SSUH2: variants seen among roughly 807,000 people sequenced by gnomAD.
The protein encoded by SSUH2 is ssu-2 homolog, also known as protein SSUH2 homolog.
In SSUH2, 47 loss-of-function variants were observed where a neutral mutation model predicts 55.3. That is an observed-to-expected ratio of 0.85 (90% CI 0.67 to 1.08). SSUH2 has a LOEUF of 1.08. Among genes scored for constraint, SSUH2 ranks in the 50% least tolerant of loss-of-function variants. The pLI is 0.00. For missense variants in SSUH2, 535 were observed against 490.7 expected (o/e 1.09, Z -0.85); for synonymous variants, 212 against 191.5 (o/e 1.11, Z -0.89).
intron 1 of SSUH2, among the ~76,000 whole-genome samples, chr3:8,638,955 TG>T (rs1481091773): frequency 6.6e-6 from 1 of 152,052 alleles, no homozygotes; most frequent in Non-Finnish European, 1.5e-5. Flanking sequence ...GGGCAGGAAG[TG>T]GGGAAGAATG....
chr3:8,658,576 C>T (rs563553438), intron 7 of SSUH2, among the ~76,000 whole-genome samples: 3 of 152,186 alleles, frequency 2.0e-5, no homozygotes, highest in Non-Finnish European at 4.4e-5. Flanking sequence ...TTTGTTCGGC[C>T]GGGTGGTTTA....
rs548179044 is a variant in SSUH2, at chr3:8,678,082, C to T, written c.-900-729G>A. Among the ~76,000 whole-genome samples the T allele has an allele frequency of 4.6e-5, 7 of 152,174 alleles. No homozygotes were observed. The South Asian group carries it at 6.3e-4, about 14-fold the overall frequency. Reference sequence around the variant, plus strand: ...CAATTAGAAACAATATCAGTGAGGGCGTGTCCACCTTCTGTCATATTGAAA... The same window carrying T: ...CAATTAGAAACAATATCAGTGAGGGTGTGTCCACCTTCTGTCATATTGAAA... On this transcript the variant is annotated intron_variant, in intron 2 of 18. Coordinates refer to the SSUH2 transcript ENST00000317371.
intron 5 of SSUH2, among the ~76,000 whole-genome samples, chr3:8,664,556 A>G (rs1366603420): frequency 3.9e-5 from 6 of 152,192 alleles, no homozygotes; most frequent in African/African-American, 1.4e-4. Context: ...TGAACCAAGA[A>G]AATGCACCCC....
At chr3:8,636,463 C>T (rs981822596) in intron 1 of SSUH2, among the ~76,000 whole-genome samples, 3 of 152,188 alleles carry the variant, frequency 2.0e-5, no homozygotes, top group Non-Finnish European at 2.9e-5. Flanking sequence ...ATCAACACCA[C>T]GTGGAGCAGA....
intron 7 of SSUH2, among the ~76,000 whole-genome samples, chr3:8,655,910 T>C (rs911595296): frequency 2.0e-5 from 3 of 152,188 alleles, no homozygotes. Flanking sequence ...GTTTCAGATA[T>C]CTCCACTTTT....
intron 2 of SSUH2, among the ~76,000 whole-genome samples, chr3:8,678,985 C>A (rs1185328407): frequency 9.5e-6 from 1 of 104,882 alleles, no homozygotes; most frequent in Non-Finnish European, 2.3e-5. Context: ...GAGAGTCACC[C>A]CCCGCGAGGT....
intron 1 of SSUH2, among the ~76,000 whole-genome samples, chr3:8,681,414 C>G (rs913963896): frequency 2.0e-4 from 30 of 147,452 alleles, no homozygotes; most frequent in African/African-American, 7.5e-4. Context: ...GAGGCACCCC[C>G]GGCGAGCCCG....
chr3:8,668,953 G>A (rs981336182), intron 5 of SSUH2, among the ~76,000 whole-genome samples: 1 of 151,798 alleles, frequency 6.6e-6, no homozygotes, highest in African/African-American at 2.4e-5. Flanking sequence ...AGAGTGGGAG[G>A]GAGGGAGGGA....
chr3:8,621,528 T>C (rs1473756177), intron 11 of SSUH2, among the ~76,000 whole-genome samples: 2 of 152,104 alleles, frequency 1.3e-5, no homozygotes, highest in East Asian at 3.9e-4. Context: ...CAGCATGACA[T>C]TGCAGAAGGA....
chr3:8,677,106 G>C (rs903957587), intron 3 of SSUH2: 2 of 150,046 alleles, frequency 1.3e-5, no homozygotes, highest in South Asian at 2.1e-4. Flanking sequence ...CCATCGCAGC[G>C]GGGAGAGATA....
chr3:8,624,901 C>G (rs1697205258), intron 10 of SSUH2, among the ~76,000 whole-genome samples: 1 of 152,100 alleles, frequency 6.6e-6, no homozygotes, highest in African/African-American at 2.4e-5. Flanking sequence ...CCCACTGTCC[C>G]CTCGCTCCCA....
At chr3:8,656,014 CAA>C (rs1702900046) in intron 7 of SSUH2, among the ~76,000 whole-genome samples, 1 of 151,996 alleles carries the variant, frequency 6.6e-6, no homozygotes, top group Non-Finnish European at 1.5e-5. Context: ...GCTATGAAAA[CAA>C]AGTTTCTAGT....
intron 3 of SSUH2, chr3:8,634,605 G>A: frequency 1.6e-6 from 2 of 1,288,438 alleles, no homozygotes; most frequent in Non-Finnish European, 2.0e-6. Context: ...CTGTGGGCTG[G>A]AGAGGCCAGA....
chr3:8,628,886 T>C (rs1441688402), intron 7 of SSUH2, among the ~76,000 whole-genome samples: 2 of 152,186 alleles, frequency 1.3e-5, no homozygotes, highest in Admixed American at 6.5e-5. Context: ...GATGGAGTCT[T>C]GCTCTGTCGC....
upstream of SSUH2, among the ~76,000 whole-genome samples, chr3:8,645,925 C>T (rs1701625076): frequency 1.3e-5 from 2 of 152,190 alleles, no homozygotes; most frequent in African/African-American, 2.4e-5. Flanking sequence ...TTCACAAATG[C>T]TTCTTAGGTG....
intron 5 of SSUH2, 77 bp from the exon 6 acceptor site, chr3:8,631,006 G>A (rs1698661197): frequency 7.7e-7 from 1 of 1,306,586 alleles, no homozygotes. Flanking sequence ...CAAACAGCAT[G>A]AAGCCTTCAG....
rs745647362 is a variant in SSUH2, at chr3:8,627,732, T to G, written c.640A>C (p.Arg214=). 9 of 1,610,272 alleles carry G rather than the reference T, an allele frequency of 5.6e-6. No homozygotes were observed. In the East Asian group the frequency reaches 1.8e-4, roughly 32 times the overall value. ...GAKRKAKQSR[R]CQLCAGSGRR... ...CCGGACCCCGCGCACAGCTGACATCTCCGGGACTGCTTGGCTTTGCGCTTG... is the reference window on the plus strand; with the variant it reads ...CCGGACCCCGCGCACAGCTGACATCGCCGGGACTGCTTGGCTTTGCGCTTG... The change falls in exon 8 of 12, where the codon AGA becomes CGA. Residue 214 remains arginine, a synonymous_variant. Transcript: ENST00000544814.
chr3:8,672,252 C>A (rs188220137), intron 3 of SSUH2, among the ~76,000 whole-genome samples: 1 of 152,064 alleles, frequency 6.6e-6, no homozygotes, highest in East Asian at 1.9e-4. Context: ...TAGGGTCATC[C>A]TCTCCCCCTT....
intron 1 of SSUH2, among the ~76,000 whole-genome samples, chr3:8,680,646 T>G (rs1705877223): frequency 6.6e-6 from 1 of 152,074 alleles, no homozygotes; most frequent in African/African-American, 2.4e-5. Flanking sequence ...CCCTCCAGGA[T>G]CGTGGGTACA....
Sources: allele counts gnomAD v4.1 joint callset (sites outside exome capture counted in the v4.1 genomes callset), GRCh38; gene constraint gnomAD v4.1.1; transcripts MANE v1.5; gene names NCBI Gene and HGNC (gene_info 2026-07-23, HGNC 2026-07-21).